KCNN2: variants seen among roughly 807,000 people sequenced by gnomAD.
The protein encoded by KCNN2 is small conductance calcium-activated potassium channel protein 2.
In KCNN2, 24 loss-of-function variants were observed where a neutral mutation model predicts 55.5. That is an observed-to-expected ratio of 0.43 (90% confidence interval 0.31 to 0.61). The LOEUF is 0.61. KCNN2 is among the 20% of genes least tolerant of loss of function. The pLI, the probability that KCNN2 is intolerant of heterozygous loss-of-function variation, is 0.08. For synonymous variants in KCNN2, 431 were observed against 336.1 expected (o/e 1.28, Z -3.09); for missense variants, 754 against 853.6 (o/e 0.88, Z 1.45).
chr5:114,255,015 C>T (rs1754953976), intron 2 of KCNN2, among the ~76,000 whole-genome samples: 1 of 151,880 alleles, frequency 6.6e-6, no homozygotes, highest in Admixed American at 6.6e-5. Context: ...TTTGATGCAC[C>T]AAAAATGGAA....
chr5:114,425,027 G>A (rs978681284), intron 3 of KCNN2, among the ~76,000 whole-genome samples: 3 of 152,140 alleles, frequency 2.0e-5, no homozygotes, highest in African/African-American at 7.2e-5. Context: ...GTCACAGAAA[G>A]GGAAGTTAAG....
chr5:114,271,447 T>A (rs1434983352), intron 2 of KCNN2, among the ~76,000 whole-genome samples: 3 of 152,076 alleles, frequency 2.0e-5, no homozygotes, highest in South Asian at 2.1e-4. Context: ...GCTTCACCTC[T>A]CATTACTACT....
At position 114,301,821 on chromosome 5, in the gene KCNN2, A is replaced by G. The variant is rs1334065160; in HGVS notation, c.-184-59124A>G. On this transcript the variant is annotated intron_variant, in intron 2 of 10. Coordinates refer to the KCNN2 transcript ENST00000512097. The stretch of plus-strand genomic sequence containing the variant: ...AAGACAGGTTTTATGCTGTGGCAAA[A>G]CTACATTTGCTTATTTGACTAAAGC... Among the ~76,000 whole-genome samples, 3 of 152,152 alleles carry G rather than the reference A, an allele frequency of 2.0e-5. No homozygotes were observed. The East Asian group carries it at 5.8e-4, about 29-fold the overall frequency.
rs1044166958 is a variant in KCNN2 at position 114,294,059 on chromosome 5, T to C, written c.-184-66886T>C. ...TGATATCCCCTTTATCATTTTTCATTGCGTCTATTTGATTCTTCTCTCTTT... is the reference window on the plus strand; with the variant it reads ...TGATATCCCCTTTATCATTTTTCATCGCGTCTATTTGATTCTTCTCTCTTT... On this transcript the variant is annotated intron_variant, in intron 2 of 10. Coordinates refer to the KCNN2 transcript ENST00000512097. Among the ~76,000 whole-genome samples the C allele has an allele frequency of 1.5e-3, 227 of 152,328 alleles. 1 individual carries two copies. The highest frequency in any genetic ancestry group is 5.3e-3 in the African/African-American group (219 of 41,568).
chr5:114,246,195 A>G (rs1026728410), intron 2 of KCNN2, among the ~76,000 whole-genome samples: 5 of 152,296 alleles, frequency 3.3e-5, no homozygotes, highest in African/African-American at 1.2e-4. Context: ...GTAGATATAA[A>G]TATATATGAT....
intron 1 of KCNN2, among the ~76,000 whole-genome samples, chr5:114,155,459 C>T (rs950512400): frequency 6.6e-6 from 1 of 152,144 alleles, no homozygotes; most frequent in Non-Finnish European, 1.5e-5. Context: ...TGAGGAATTG[C>T]CACACTGTCT....
intron 2 of KCNN2, among the ~76,000 whole-genome samples, chr5:114,231,798 G>A (rs190143525): frequency 6.6e-6 from 1 of 150,420 alleles, no homozygotes; most frequent in Admixed American, 6.6e-5. Flanking sequence ...ATCACTAGAT[G>A]ACTTAATCAC....
intron 5 of KCNN2, 162 bp downstream of exon 5, chr5:114,473,326 A>ATT: frequency 1.6e-6 from 1 of 615,250 alleles, no homozygotes; most frequent in Non-Finnish European, 2.9e-6. Context: ...AGAATAGACT[A>ATT]TTTCTACCTT....
chr5:114,344,936 G>C (rs1315053961), intron 2 of KCNN2, among the ~76,000 whole-genome samples: 1 of 152,200 alleles, frequency 6.6e-6, no homozygotes, highest in Non-Finnish European at 1.5e-5. Context: ...CAATACATAT[G>C]CACTTATATT....
chr5:114,256,946 G>A (rs1754994211), intron 2 of KCNN2, among the ~76,000 whole-genome samples: 2 of 152,126 alleles, frequency 1.3e-5, no homozygotes, highest in Non-Finnish European at 2.9e-5. Context: ...CTAGGACAAT[G>A]TCCCAAAGAG....
chr5:114,368,269 T>C (rs982230291), intron 2 of KCNN2, among the ~76,000 whole-genome samples: 4 of 152,220 alleles, frequency 2.6e-5, no homozygotes, highest in Admixed American at 6.5e-5. Flanking sequence ...ACTGTAATTA[T>C]ATAATAAATA....
chr5:114,264,182 C>T (rs1226513073), intron 2 of KCNN2, among the ~76,000 whole-genome samples: 2 of 152,136 alleles, frequency 1.3e-5, no homozygotes, highest in African/African-American at 4.8e-5. Flanking sequence ...TCCAGTTTTT[C>T]CATCCTTTCC....
In KCNN2 at chr5:114,453,252, C is replaced by A. The variant is rs77225482; in HGVS notation, c.1638-9797C>A. On this transcript the variant is annotated intron_variant, in intron 3 of 7. Transcript: ENST00000673685. Reference sequence around the variant, plus strand: ...AAGCCAAGGAAAGAGAGGGCCTGATCTATGCCTGCTCAGTTCCTACTGCCA... The same window carrying A: ...AAGCCAAGGAAAGAGAGGGCCTGATATATGCCTGCTCAGTTCCTACTGCCA... Among the ~76,000 whole-genome samples, 333 of 152,324 alleles carry A rather than the reference C, an allele frequency of 2.2e-3. 1 individual carries two copies. Among genetic ancestry groups the A allele is most frequent in the African/African-American group, 7.6e-3 (317 of 41,570 alleles).
intron 2 of KCNN2, among the ~76,000 whole-genome samples, chr5:114,277,907 G>A (rs1755525582): frequency 6.6e-6 from 1 of 152,120 alleles, no homozygotes; most frequent in Non-Finnish European, 1.5e-5. Context: ...TTCCTTTGGA[G>A]GAGAAAAGGC....
intron 3 of KCNN2, among the ~76,000 whole-genome samples, chr5:114,448,144 C>T (rs1760495785): frequency 6.6e-6 from 1 of 152,170 alleles, no homozygotes; most frequent in African/African-American, 2.4e-5. Flanking sequence ...CAGTTATTTT[C>T]ACTCTTTTAT....
intron 1 of KCNN2, among the ~76,000 whole-genome samples, chr5:114,140,670 A>G (rs971039210): frequency 6.6e-6 from 1 of 151,634 alleles, no homozygotes; most frequent in African/African-American, 2.4e-5. Context: ...GTTTTTTTCT[A>G]TGTATTTATC....
At chr5:114,124,606 G>A (rs560330414) in intron 1 of KCNN2, among the ~76,000 whole-genome samples, 18 of 152,012 alleles carry the variant, frequency 1.2e-4, no homozygotes, top group Non-Finnish European at 2.4e-4. Flanking sequence ...CTCATCTCCC[G>A]TTACTCTCTC....
intron 1 of KCNN2, among the ~76,000 whole-genome samples, chr5:114,201,632 C>G (rs986371380): frequency 1.3e-5 from 2 of 152,132 alleles, no homozygotes; most frequent in East Asian, 1.9e-4. Flanking sequence ...TTGAATTCAT[C>G]ATGAGGGCAC....
chr5:114,492,231 C>T (rs536061201), intron 6 of KCNN2, among the ~76,000 whole-genome samples: 14 of 152,200 alleles, frequency 9.2e-5, no homozygotes, highest in Admixed American at 2.6e-4. Flanking sequence ...ACATTATGAA[C>T]GTATTACAAA....
Sources: gnomAD v4.1 joint callset for allele counts (sites outside exome capture counted in the v4.1 genomes callset) on GRCh38, gnomAD v4.1.1 for gene constraint, MANE v1.5 for transcripts, NCBI Gene and HGNC (gene_info 2026-07-23, HGNC 2026-07-21) for gene names.